THSD7B: variants seen among roughly 807,000 people sequenced by gnomAD.
The protein encoded by THSD7B is thrombospondin type 1 domain containing 7B, also known as thrombospondin type-1 domain-containing protein 7B.
In THSD7B, 138 loss-of-function variants were observed where a neutral mutation model predicts 213.6. That is an observed-to-expected ratio of 0.65 (90% CI 0.56 to 0.74). The LOEUF (loss-of-function observed/expected upper bound fraction) is 0.74. THSD7B is among the 30% of genes least tolerant of loss of function. The pLI is 0.00. For synonymous variants in THSD7B, 742 were observed against 687.0 expected (o/e 1.08, Z -1.25); for missense variants, 1,931 against 1,991.5 (o/e 0.97, Z 0.58).
At chr2:136,967,085 C>A (rs909965662) in intron 2 of THSD7B, among the ~76,000 whole-genome samples, 1 of 152,112 alleles carries the variant, frequency 6.6e-6, no homozygotes. Context: ...TTACTGTGTC[C>A]TCTACCGTGC....
rs187558112 is a variant in THSD7B at position 136,902,992 on chromosome 2, G to T, written c.139+20675G>T. 1.6e-3 allele frequency among the ~76,000 whole-genome samples: 245 copies of T among 152,328 alleles called. 2 individuals carry two copies. Among genetic ancestry groups the T allele is most frequent in the Admixed American group, 6.2e-3 (95 of 15,310 alleles). On this transcript the variant is annotated intron_variant, in intron 2 of 27. Coordinates refer to ENST00000409968, the MANE Select transcript of THSD7B (RefSeq NM_001316349.2). Reference sequence around the variant, plus strand: ...ATGAAATTGGCTTGTGTCCAGCTCTGTTCGTACTAGGGTATGAGTGTGGCC... The same window carrying T: ...ATGAAATTGGCTTGTGTCCAGCTCTTTTCGTACTAGGGTATGAGTGTGGCC...
chr2:137,459,260 T>C (rs1205823655), intron 15 of THSD7B, among the ~76,000 whole-genome samples: 2 of 152,190 alleles, frequency 1.3e-5, no homozygotes, highest in Non-Finnish European at 2.9e-5. Flanking sequence ...TAAAGCTTTA[T>C]TCCAATATTA....
chr2:136,904,579 G>A (rs1220741123), intron 2 of THSD7B, among the ~76,000 whole-genome samples: 1 of 59,524 alleles, frequency 1.7e-5, no homozygotes, highest in Non-Finnish European at 6.9e-5. Context: ...CTTGGAACCG[G>A]GCAGAGGTTC....
intron 1 of THSD7B, among the ~76,000 whole-genome samples, chr2:136,851,933 C>CTATATATATATATATATATATATATATA (rs35929047): frequency 9.5e-5 from 14 of 148,034 alleles, no homozygotes; most frequent in African/African-American, 3.5e-4. Context: ...CAATACACAA[C>CTATATATATATATATATATATATATATA]TATATATATA....
chr2:136,890,521 TTC>T lies in THSD7B; in HGVS notation c.139+8206_139+8207del, dbSNP rs1683826129. Among the ~76,000 whole-genome samples, 6 of 79,124 alleles carry T rather than the reference TTC, an allele frequency of 7.6e-5. 1 individual carries two copies. Among genetic ancestry groups the T allele is most frequent in the African/African-American group, 2.9e-4 (6 of 20,656 alleles). 51.9% of individuals were successfully genotyped at this position (79,124 alleles called of 152,430 possible). A position where few individuals can be genotyped will look rare whatever the true frequency, so the allele number is the denominator to read the frequency against. On this transcript the variant is annotated intron_variant, in intron 2 of 27. Coordinates refer to ENST00000409968, the MANE Select transcript of THSD7B (RefSeq NM_001316349.2). ...TCTTCTCCTTTCTTCTTCTTCTTTCTTCTTCTTCTTCTTCTTCTTCTTTTTTT... is the reference window on the plus strand; with the variant it reads ...TCTTCTCCTTTCTTCTTCTTCTTTCTTTCTTCTTCTTCTTCTTCTTTTTTT...
At chr2:137,656,593 ACTTT>A (rs1019851558) in intron 22 of THSD7B, among the ~76,000 whole-genome samples, 199 bp from the exon 23 acceptor site, 2 of 152,222 alleles carry the variant, frequency 1.3e-5, no homozygotes, top group Non-Finnish European at 2.9e-5. Flanking sequence ...AGTTTTTGGC[ACTTT>A]CTTGTTAAAC....
At chr2:136,792,799 A>G (rs1480010107) in intron 1 of THSD7B, among the ~76,000 whole-genome samples, 1 of 152,010 alleles carries the variant, frequency 6.6e-6, no homozygotes, top group Non-Finnish European at 1.5e-5. Flanking sequence ...CCTATCTCCT[A>G]CTGCCTATCC....
At chr2:137,159,246 A>G (rs1025244697) in intron 5 of THSD7B, among the ~76,000 whole-genome samples, 2 of 151,964 alleles carry the variant, frequency 1.3e-5, no homozygotes, top group Admixed American at 1.3e-4. Flanking sequence ...AGCCTAGGGA[A>G]CATAGGGAGA....
intron 17 of THSD7B, among the ~76,000 whole-genome samples, chr2:137,593,024 T>C (rs1184753816): frequency 6.6e-6 from 1 of 151,992 alleles, no homozygotes; most frequent in Non-Finnish European, 1.5e-5. Context: ...ACAGTTCTTT[T>C]GGGCTGTGTG....
chr2:137,220,561 A>C (rs563614231), intron 7 of THSD7B, among the ~76,000 whole-genome samples: 1 of 152,194 alleles, frequency 6.6e-6, no homozygotes, highest in Non-Finnish European at 1.5e-5. Flanking sequence ...GGTGTAGAAC[A>C]GTTAGAGCAA....
At chr2:137,079,428 A>C (rs1036452817) in intron 3 of THSD7B, among the ~76,000 whole-genome samples, 1 of 152,110 alleles carries the variant, frequency 6.6e-6, no homozygotes, top group Non-Finnish European at 1.5e-5. Flanking sequence ...CAAAACTTCT[A>C]TTTCTTCATA....
chr2:136,861,431 A>C (rs142857879), intron 1 of THSD7B, among the ~76,000 whole-genome samples: 1 of 152,196 alleles, frequency 6.6e-6, no homozygotes, highest in Admixed American at 6.5e-5. Flanking sequence ...ACTTAAGACA[A>C]CTCCACAATA....
intron 12 of THSD7B, among the ~76,000 whole-genome samples, chr2:137,316,828 G>A (rs1684121752): frequency 6.6e-6 from 1 of 152,050 alleles, no homozygotes; most frequent in African/African-American, 2.4e-5. Flanking sequence ...TTTTGATGGG[G>A]AGAGGATGGG....
chr2:137,058,862 C>G (rs1192475640), intron 3 of THSD7B, among the ~76,000 whole-genome samples: 2 of 152,108 alleles, frequency 1.3e-5, no homozygotes, highest in Non-Finnish European at 2.9e-5. Context: ...AGAGAACCCA[C>G]CAGAATGTGA....
At chr2:137,560,833 C>T (rs775821394) in intron 15 of THSD7B, among the ~76,000 whole-genome samples, 32 of 152,114 alleles carry the variant, frequency 2.1e-4, no homozygotes, top group Non-Finnish European at 2.9e-4. Flanking sequence ...ACTGCCCAGC[C>T]CCAAACATGT....
chr2:137,572,683 T>C (rs1468789115), intron 17 of THSD7B, 127 bp downstream of exon 17: 1 of 1,210,406 alleles, frequency 8.3e-7, no homozygotes, highest in East Asian at 2.6e-5. Flanking sequence ...TTTTTTCTTT[T>C]TGAGAAATCC....
intron 15 of THSD7B, among the ~76,000 whole-genome samples, chr2:137,557,162 G>A (rs999835442): frequency 2.6e-5 from 4 of 152,082 alleles, no homozygotes; most frequent in Admixed American, 2.0e-4. Flanking sequence ...GGATATCCAG[G>A]AATTGAACTC....
intron 1 of THSD7B, among the ~76,000 whole-genome samples, chr2:136,844,982 T>A (rs1283838426): frequency 1.3e-5 from 2 of 152,238 alleles, no homozygotes; most frequent in Non-Finnish European, 2.9e-5. Flanking sequence ...TATGTGTTGA[T>A]ACCTAGTAAA....
intron 7 of THSD7B, among the ~76,000 whole-genome samples, chr2:137,217,477 G>T (rs1302183724): frequency 6.6e-6 from 1 of 152,112 alleles, no homozygotes; most frequent in East Asian, 1.9e-4. Flanking sequence ...ACATATTTAG[G>T]TGAAGTAGCC....
Sources: allele counts gnomAD v4.1 joint callset (sites outside exome capture counted in the v4.1 genomes callset), GRCh38; gene constraint gnomAD v4.1.1; transcripts MANE v1.5; gene names NCBI Gene and HGNC (gene_info 2026-07-23, HGNC 2026-07-21).